MYOM1: variants seen among roughly 807,000 people sequenced by gnomAD.
The protein encoded by MYOM1 is myomesin 1.
Under a neutral mutation model 205.3 loss-of-function variants are expected in MYOM1, and 164 were observed. The observed-to-expected ratio is 0.80, with a 90% CI of 0.70 to 0.91. The LOEUF is 0.91. MYOM1 is among the 40% of genes least tolerant of loss of function. The pLI, the probability that MYOM1 is intolerant of heterozygous loss-of-function variation, is 0.00. For missense variants in MYOM1, 2,011 were observed against 2,127.3 expected (o/e 0.95, Z 1.08); for synonymous variants, 772 against 789.4 (o/e 0.98, Z 0.37).
intron 12 of MYOM1, among the ~76,000 whole-genome samples, chr18:3,150,178 G>A (rs778220668): frequency 6.6e-6 from 1 of 152,150 alleles, no homozygotes; most frequent in Non-Finnish European, 1.5e-5. Flanking sequence ...TCCTGCCTCA[G>A]CCTCCCGAGT....
chr18:3,178,620 A>G (rs1036598276), intron 5 of MYOM1, among the ~76,000 whole-genome samples: 1 of 152,142 alleles, frequency 6.6e-6, no homozygotes, highest in African/African-American at 2.4e-5. Flanking sequence ...CATTTTCTAC[A>G]CTTAAAACAA....
intron 25 of MYOM1, among the ~76,000 whole-genome samples, chr18:3,098,917 T>G (rs910703793): frequency 6.6e-6 from 1 of 152,190 alleles, no homozygotes; most frequent in Non-Finnish European, 1.5e-5. Flanking sequence ...TCGTGTCTCA[T>G]GGGCCCTCCA....
chr18:3,188,505 T>C (rs2080854045), intron 4 of MYOM1, among the ~76,000 whole-genome samples: 1 of 151,244 alleles, frequency 6.6e-6, no homozygotes, highest in Admixed American at 6.6e-5. Context: ...GGCACGTGCC[T>C]GTAATCCCAG....
chr18:3,149,957 G>A (rs1488647769), intron 12 of MYOM1, among the ~76,000 whole-genome samples: 1 of 152,176 alleles, frequency 6.6e-6, no homozygotes, highest in Admixed American at 6.5e-5. Context: ...GATGGAATTT[G>A]CAAGTTTAGA....
intron 2 of MYOM1, among the ~76,000 whole-genome samples, chr18:3,194,725 T>A (rs547784387): frequency 6.6e-6 from 1 of 152,202 alleles, no homozygotes; most frequent in South Asian, 2.1e-4. Context: ...ATGAAATGCA[T>A]TTTCATACAA....
At chr18:3,117,011 C>A (rs2079616332) in intron 20 of MYOM1, among the ~76,000 whole-genome samples, 2 of 152,102 alleles carry the variant, frequency 1.3e-5, no homozygotes, top group Non-Finnish European at 2.9e-5. Context: ...TGTGCACCAC[C>A]ACACCCGGCT....
chr18:3,084,552 C>T (rs535208299), intron 31 of MYOM1, among the ~76,000 whole-genome samples: 1 of 152,138 alleles, frequency 6.6e-6, no homozygotes, highest in African/African-American at 2.4e-5. Context: ...AAATCTTGTT[C>T]AGGAACAAAA....
rs749676865 is a variant in MYOM1 at position 3,116,356 on chromosome 18, G to A, written c.3278C>T (p.Ala1093Val). 2.7e-5 allele frequency: 43 copies of A among 1,611,896 alleles called. 1 individual carries two copies. Among genetic ancestry groups the A allele is most frequent in the Admixed American group, 3.3e-5 (2 of 59,902 alleles). ...CTTCAGGTATACGTTTTTAATAGCC[G>A]CCTCATTGAGCCCTCGCCACTGGTC... ...KEDQWRGLNE[A>V]AIKNVYLKVR... The change falls in exon 21 of 38, where the codon GCG becomes GTG. Residue 1093 changes from alanine (A) to valine (V), a missense_variant. By Grantham distance (64) the Ala-to-Val change is moderately conservative (BLOSUM62 0). Coordinates refer to ENST00000356443, the MANE Select transcript of MYOM1 (RefSeq NM_003803.4).
chr18:3,078,513 T>G (rs928515911), intron 34 of MYOM1, among the ~76,000 whole-genome samples: 2 of 152,146 alleles, frequency 1.3e-5, no homozygotes, highest in African/African-American at 2.4e-5. Flanking sequence ...CACAGCAGCC[T>G]CAACCTCCAG....
rs773694035 is a variant in MYOM1 at position 3,174,164 on chromosome 18, T to C, written c.1067A>G (p.Asn356Ser). 4.0e-5 allele frequency: 65 copies of C among 1,614,060 alleles called. No homozygotes were observed. The East Asian group carries it at 4.5e-4, about 11-fold the overall frequency. ...ATATGCCGAAAGCTCTCCTTTAACA[T>C]TCATCGCCGAGGCCCGGTACTGAGC... The part of the protein sequence containing the change: ...DTAQYRASAM[N>S]VKGELSAYAS... Residue 356 changes from asparagine (N) to serine (S), a missense_variant, in exon 7 of 38, where the codon AAT becomes AGT. Coordinates refer to ENST00000356443, the MANE Select transcript of MYOM1 (RefSeq NM_003803.4).
intron 1 of MYOM1, among the ~76,000 whole-genome samples, chr18:3,217,817 T>C (rs2081288295): frequency 6.6e-6 from 1 of 152,106 alleles, no homozygotes; most frequent in South Asian, 2.1e-4. Context: ...ACCTTGTCTC[T>C]ATTATAAAAA....
intron 2 of MYOM1, among the ~76,000 whole-genome samples, chr18:3,195,864 G>A (rs376348117): frequency 1.7e-4 from 25 of 149,212 alleles, no homozygotes; most frequent in African/African-American, 6.2e-4. Context: ...TTTTCTTTAT[G>A]TCCTTCCAAT....
intron 2 of MYOM1, among the ~76,000 whole-genome samples, chr18:3,211,565 T>C (rs758452862): frequency 7.2e-5 from 11 of 152,270 alleles, no homozygotes; most frequent in Non-Finnish European, 1.2e-4. Flanking sequence ...TTAATCCTGA[T>C]GATATTTTGT....
chr18:3,173,874 G>A lies in MYOM1; in HGVS notation c.1174+64C>T, dbSNP rs2080595341. 6 of 1,442,318 alleles carry A rather than the reference G, an allele frequency of 4.2e-6. No individual in the cohort carries two copies. In the South Asian group the frequency reaches 6.9e-5, roughly 17 times the overall value. The allele number at this position is 1,442,318 out of a possible 1,614,324, so 89.3% of individuals were successfully genotyped here. On this transcript the variant is annotated intron_variant, in intron 8 of 37. Coordinates refer to ENST00000356443, the MANE Select transcript of MYOM1 (RefSeq NM_003803.4). ...AGTATGCATTTATTTCAGCATTATG[G>A]GCTAACTTATTATGCCATATTTTAC...
At chr18:3,133,185 C>A (rs1025768257) in intron 16 of MYOM1, among the ~76,000 whole-genome samples, 8 of 152,064 alleles carry the variant, frequency 5.3e-5, no homozygotes, top group Non-Finnish European at 1.5e-5. Context: ...TGAAATACAC[C>A]AACAGGCTAA....
In MYOM1 at chr18:3,189,222, G is replaced by A; in HGVS notation, c.432-135C>T. On this transcript the variant is annotated intron_variant, in intron 3 of 37. Transcript: ENST00000356443. This position sits in a 1 kb window ranked among gnomAD's most constrained non-coding sequence, Gnocchi z 4.8. The stretch of plus-strand genomic sequence containing the variant: ...AGAAAATCCGACATAGAAAAAGCAG[G>A]TGAATCAGAAGCTGACACTTCATGT... 5.0e-6 allele frequency: 4 copies of A among 804,880 alleles called. No individual in the cohort carries two copies. In the East Asian group the frequency reaches 8.0e-5, roughly 16 times the overall value. 49.9% of individuals were successfully genotyped at this position (804,880 alleles called of 1,614,324 possible). A position where few individuals can be genotyped will look rare whatever the true frequency, so the allele number is the denominator to read the frequency against.
chr18:3,245,856 CCTAA>C, the MYOM1 span: 1 of 152,178 alleles, frequency 6.6e-6, no homozygotes, highest in Non-Finnish European at 1.5e-5. Context: ...TTCAATAGGC[CCTAA>C]CTAACTGTAC....
chr18:3,222,947 T>A (rs1175457064), upstream of MYOM1, among the ~76,000 whole-genome samples: 2 of 152,120 alleles, frequency 1.3e-5, no homozygotes, highest in African/African-American at 2.4e-5. Context: ...AGTGGTGCAA[T>A]CTTGGCTCAC....
intron 21 of MYOM1, among the ~76,000 whole-genome samples, chr18:3,114,951 AC>A (rs1240738453): frequency 6.7e-6 from 1 of 149,618 alleles, no homozygotes; most frequent in African/African-American, 2.5e-5. Context: ...TTTAAACTCT[AC>A]TTTTTTTTTT....
Sources: gnomAD v4.1 joint callset for allele counts (sites outside exome capture counted in the v4.1 genomes callset) on GRCh38, gnomAD v4.1.1 for gene constraint, Gnocchi (gnomAD v3.1) non-coding constraint, MANE v1.5 for transcripts, NCBI Gene and HGNC (gene_info 2026-07-23, HGNC 2026-07-21) for gene names.